Variants in SLC12A1 observed in about 807,000 individuals in gnomAD.
SLC12A1 encodes the protein Na-K-2Cl cotransporter.
SLC12A1 carries 89 observed loss-of-function variants against 130.4 expected under a neutral mutation model. The ratio of observed to expected loss-of-function variants is 0.68; its 90% confidence interval spans 0.58 to 0.81. The LOEUF is 0.81. SLC12A1 is among the 40% of genes least tolerant of loss of function. The probability of loss-of-function intolerance (pLI) is 0.00; values close to 1 mark genes in which losing one functional copy is unlikely to be tolerated. For missense variants in SLC12A1, 1,310 were observed against 1,336.4 expected (o/e 0.98, Z 0.31); for synonymous variants, 499 against 460.0 (o/e 1.08, Z -1.09).
At chr15:48,273,539 A>G (rs1211754002) in intron 19 of SLC12A1, among the ~76,000 whole-genome samples, 3 of 152,168 alleles carry the variant, frequency 2.0e-5, no homozygotes, top group Non-Finnish European at 4.4e-5. Flanking sequence ...ATAGAATCCA[A>G]ATTTTTTTGT....
At chr15:48,301,490 T>C (rs2042231399) in intron 26 of SLC12A1, 108 bp downstream of exon 26, 2 of 636,654 alleles carry the variant, frequency 3.1e-6, no homozygotes, top group Admixed American at 3.4e-5. Context: ...TGTTTTGTTT[T>C]TGTGTTTTTT....
chr15:48,276,456 G>A (rs1378887145), intron 20 of SLC12A1, among the ~76,000 whole-genome samples: 2 of 152,058 alleles, frequency 1.3e-5, no homozygotes, highest in African/African-American at 2.4e-5. Context: ...TTATTTGGGT[G>A]GGCCCTAATC....
intron 4 of SLC12A1, chr15:48,224,085 A>G (rs2041251590): frequency 6.6e-6 from 1 of 152,346 alleles, no homozygotes; most frequent in Non-Finnish European, 1.5e-5. Flanking sequence ...CTCGTGGCTG[A>G]CTACCCTTCT....
chr15:48,299,404 A>G (rs1031960289), intron 25 of SLC12A1, 129 bp downstream of exon 25: 2 of 848,558 alleles, frequency 2.4e-6, no homozygotes, highest in Admixed American at 4.0e-5. Flanking sequence ...AGCTTTCTGC[A>G]TTTTTCAAGT....
Position 48,269,646 on chromosome 15 carries a change from T to A in SLC12A1, c.2296-12T>A. 1 of 1,521,066 alleles carries A rather than the reference T, an allele frequency of 6.6e-7. No individual in the cohort carries two copies. Among genetic ancestry groups the A allele is most frequent in the African/African-American group, 1.4e-5 (1 of 73,196 alleles). The allele number at this position is 1,521,066 out of a possible 1,614,324, so 94.2% of individuals were successfully genotyped here. ...GGTAAGGATTGCCCACATTTTTATG[T>A]CCTCTGTTTAGGCCTCAGGCTTAGG... On this transcript the variant is annotated splice_polypyrimidine_tract_variant and intron_variant, in intron 18 of 26. Coordinates refer to ENST00000380993, the MANE Select transcript of SLC12A1 (RefSeq NM_000338.3).
At chr15:48,255,281 T>C (rs2041693432) in intron 15 of SLC12A1, among the ~76,000 whole-genome samples, 1 of 151,632 alleles carries the variant, frequency 6.6e-6, no homozygotes, top group Non-Finnish European at 1.5e-5. Flanking sequence ...CTACTAAAAA[T>C]ACAAAAATTA....
chr15:48,246,734 C>T (rs1321388032), intron 11 of SLC12A1, among the ~76,000 whole-genome samples, 175 bp from the exon 12 acceptor site: 5 of 152,088 alleles, frequency 3.3e-5, no homozygotes, highest in South Asian at 4.1e-4. Flanking sequence ...GAGCCAAGAT[C>T]GTGCCACTGC....
chr15:48,291,636 A>AACACCAACC, intron 23 of SLC12A1, 142 bp from the exon 24 acceptor site: 1 of 642,988 alleles, frequency 1.6e-6, no homozygotes, highest in South Asian at 1.8e-5. Context: ...ATGAAAATCA[A>AACACCAACC]ACACCAACCA....
chr15:48,302,381 G>A (rs2042242730), intron 26 of SLC12A1, among the ~76,000 whole-genome samples: 1 of 151,904 alleles, frequency 6.6e-6, no homozygotes, highest in Non-Finnish European at 1.5e-5. Context: ...AGCACTTTGG[G>A]AGGCCGAGGC....
intron 17 of SLC12A1, among the ~76,000 whole-genome samples, chr15:48,262,726 A>G (rs1481375223): frequency 6.6e-6 from 1 of 152,220 alleles, no homozygotes; most frequent in African/African-American, 2.4e-5. Flanking sequence ...AATAGGCTTT[A>G]TATTAAATAT....
At chr15:48,217,245 G>T (rs941531387) in intron 2 of SLC12A1, among the ~76,000 whole-genome samples, 2 of 152,086 alleles carry the variant, frequency 1.3e-5, no homozygotes, top group African/African-American at 4.8e-5. Flanking sequence ...ATTCTCCAAA[G>T]ATTAAGTATA....
chr15:48,263,846 C>A (rs929946977), intron 17 of SLC12A1, among the ~76,000 whole-genome samples: 2 of 152,240 alleles, frequency 1.3e-5, no homozygotes, highest in African/African-American at 4.8e-5. Flanking sequence ...GCATGTGCCA[C>A]CACACCCAGC....
Position 48,265,127 on chromosome 15 carries a change from T to C in SLC12A1, c.2155-2434T>C, listed in dbSNP as rs181563099. On this transcript the variant is annotated intron_variant, in intron 17 of 26. Coordinates refer to ENST00000380993, the MANE Select transcript of SLC12A1 (RefSeq NM_000338.3). ...GCTAGTTTGCTTTATTCTTACCACATTTGTATTGCAGCCTTCCTTGCTTCA... is the reference window on the plus strand; with the variant it reads ...GCTAGTTTGCTTTATTCTTACCACACTTGTATTGCAGCCTTCCTTGCTTCA... Among the ~76,000 whole-genome samples the C allele has an allele frequency of 4.3e-3, 656 of 152,312 alleles. 3 individuals carry two copies. The highest frequency in any genetic ancestry group is 7.1e-3 in the Non-Finnish European group (483 of 68,010).
At chr15:48,249,185 C>T (rs983573627) in intron 13 of SLC12A1, among the ~76,000 whole-genome samples, 2 of 152,112 alleles carry the variant, frequency 1.3e-5, no homozygotes, top group Non-Finnish European at 2.9e-5. Context: ...GGGGAGTTTT[C>T]GGTGCACTGC....
intron 24 of SLC12A1, among the ~76,000 whole-genome samples, chr15:48,292,405 A>G (rs2042131300): frequency 6.6e-6 from 1 of 152,122 alleles, no homozygotes; most frequent in African/African-American, 2.4e-5. Flanking sequence ...AAAGAAATGT[A>G]TTGGCTCCAA....
At chr15:48,230,640 T>A (rs2041363366) in intron 7 of SLC12A1, 137 bp downstream of exon 7, 1 of 652,562 alleles carries the variant, frequency 1.5e-6, no homozygotes, top group Non-Finnish European at 2.8e-6. Context: ...AAGTGCTAGG[T>A]GGAACACCAA....
At chr15:48,260,819 CAT>C (rs965663829) in intron 17 of SLC12A1, among the ~76,000 whole-genome samples, 29 of 152,364 alleles carry the variant, frequency 1.9e-4, no homozygotes, top group African/African-American at 6.3e-4. Flanking sequence ...TAATTTACCA[CAT>C]GTCATCATGA....
At chr15:48,236,072 G>A (rs74512792) in intron 9 of SLC12A1, among the ~76,000 whole-genome samples, 1,475 of 144,566 alleles carry the variant, frequency 0.01, 24 homozygotes, top group East Asian at 0.094. Flanking sequence ...GACATATATC[G>A]GGGACAATAA....
Position 48,259,301 on chromosome 15 carries a change from A to T in SLC12A1, c.2144A>T (p.Glu715Val), listed in dbSNP as rs2041743762. The T allele has an allele frequency of 6.2e-7, 1 of 1,610,836 alleles. No homozygotes were observed. Among genetic ancestry groups the T allele is most frequent in the South Asian group, 1.1e-5 (1 of 91,014 alleles). The change falls in exon 17 of 27, where the codon GAA becomes GTA. Residue 715 changes from glutamate to valine, a missense_variant. Coordinates refer to ENST00000380993, the MANE Select transcript of SLC12A1 (RefSeq NM_000338.3). ...TKNSGLCICC[E>V]VFVGPRKLCV... The stretch of plus-strand genomic sequence containing the variant: ...AACAGTGGCCTTTGCATCTGCTGTG[A>T]AGTCTTTGTGGTAAGAGCCACTTCA...
Sources: allele counts gnomAD v4.1 joint callset (sites outside exome capture counted in the v4.1 genomes callset), GRCh38; gene constraint gnomAD v4.1.1; transcripts MANE v1.5; gene names NCBI Gene and HGNC (gene_info 2026-07-23, HGNC 2026-07-21).